The following ARSB variants were observed in gnomAD, a reference collection of about 807,000 sequenced individuals.
The protein encoded by ARSB is N-acetylgalactosamine-4-sulfatase.
A neutral mutation model predicts 50.9 loss-of-function variants in ARSB; 41 were observed. The observed-to-expected ratio is 0.81, with a 90% CI of 0.63 to 1.04. The LOEUF is 1.04. Ranked by LOEUF, ARSB falls within the 50% of genes least tolerant of loss-of-function variation. The probability of loss-of-function intolerance (pLI) is 0.00; values close to 1 mark genes in which losing one functional copy is unlikely to be tolerated. For missense variants in ARSB, 672 were observed against 693.3 expected (o/e 0.97, Z 0.35); for synonymous variants, 269 against 284.8 (o/e 0.94, Z 0.56).
upstream of ARSB, chr5:78,985,413 C>G: frequency 1.8e-6 from 1 of 568,606 alleles, no homozygotes; most frequent in African/African-American, 2.0e-5. Context: ...CCGCCTCCGA[C>G]CCGGGCCCCC....
intron 3 of ARSB, 120 bp from the exon 4 acceptor site, chr5:78,955,622 T>C (rs1310162079): frequency 3.7e-6 from 3 of 817,598 alleles, no homozygotes; most frequent in East Asian, 2.7e-5. Context: ...ACAGAATGCA[T>C]TGAAAGTATT....
chr5:78,974,703 C>T (rs540918084), intron 1 of ARSB, among the ~76,000 whole-genome samples: 23 of 152,184 alleles, frequency 1.5e-4, no homozygotes, highest in Non-Finnish European at 3.4e-4. Flanking sequence ...AATTTCCTGG[C>T]AGGTAAAAGA....
chr5:78,887,854 AACC>A (rs1326710456), intron 4 of ARSB, among the ~76,000 whole-genome samples: 1 of 152,142 alleles, frequency 6.6e-6, no homozygotes, highest in Non-Finnish European at 1.5e-5. Context: ...TCCTGATGAA[AACC>A]ACAAGTACGG....
In ARSB at chr5:78,865,419, T is replaced by C. The variant is rs1294295825; in HGVS notation, c.1142+20165A>G. The stretch of plus-strand genomic sequence containing the variant: ...GACACAGGGCACCAAATCCCTAGGC[T>C]GTACACAGCACAGGGACCCTAGGCC... On this transcript the variant is annotated intron_variant, in intron 5 of 7. Transcript: ENST00000264914. Among the ~76,000 whole-genome samples the C allele has an allele frequency of 2.0e-5, 3 of 152,242 alleles. No homozygotes were observed. In the East Asian group the frequency reaches 5.8e-4, roughly 29 times the overall value.
At chr5:78,917,072 G>A (rs1427515943) in intron 4 of ARSB, among the ~76,000 whole-genome samples, 1 of 152,200 alleles carries the variant, frequency 6.6e-6, no homozygotes, top group Non-Finnish European at 1.5e-5. Flanking sequence ...GGGAGAGGGT[G>A]CAGAAGATAG....
At chr5:78,884,768 A>C (rs1747928920) in intron 5 of ARSB, 1 of 151,864 alleles carries the variant, frequency 6.6e-6, no homozygotes, top group African/African-American at 2.4e-5. Flanking sequence ...GAAATTAGAT[A>C]TTAATACAAA....
intron 6 of ARSB, among the ~76,000 whole-genome samples, chr5:78,786,186 T>C (rs1446987661): frequency 6.6e-6 from 1 of 152,192 alleles, no homozygotes; most frequent in Non-Finnish European, 1.5e-5. Flanking sequence ...AGGCAACCCT[T>C]AACCCACTTT....
intron 4 of ARSB, among the ~76,000 whole-genome samples, chr5:78,906,458 C>G (rs1580038673): frequency 1.3e-5 from 2 of 152,290 alleles, no homozygotes; most frequent in African/African-American, 4.8e-5. Flanking sequence ...CTGCCAGTGC[C>G]TGCTGCATAG....
In ARSB at chr5:78,964,478, A is replaced by G. The variant is rs769313336; in HGVS notation, c.628T>C (p.Tyr210His). The change falls in exon 3 of 8, where the codon TAT (tyrosine) becomes CAT (histidine). Residue 210 changes from tyrosine to histidine, a missense_variant. By Grantham distance (83) the Tyr-to-His change is moderately conservative. Coordinates refer to ENST00000264914, the MANE Select transcript of ARSB (RefSeq NM_000046.5). The stretch of plus-strand genomic sequence containing the variant: ...CTTTTGGTGAATATGTTTGTTGAAT[A>G]CATATTTTTATATCCTGTTGCAACT... ...EEVATGYKNM[Y>H]STNIFTKRAI... 5.0e-6 allele frequency: 8 copies of G among 1,614,078 alleles called. No individual in the cohort carries two copies. The Admixed American group carries it at 5.0e-5, about 10-fold the overall frequency.
intron 6 of ARSB, among the ~76,000 whole-genome samples, chr5:78,812,813 C>T (rs1344894894): frequency 4.0e-5 from 6 of 151,756 alleles, no homozygotes; most frequent in African/African-American, 9.7e-5. Context: ...GGTAACATGG[C>T]GAAACCCTGT....
At chr5:78,814,759 C>A (rs1354114479) in intron 6 of ARSB, among the ~76,000 whole-genome samples, 2 of 150,734 alleles carry the variant, frequency 1.3e-5, no homozygotes, top group Non-Finnish European at 3.0e-5. Context: ...ATGTCTACAG[C>A]AAGCTTCCTC....
chr5:78,977,880 T>C (rs891688456), intron 1 of ARSB, among the ~76,000 whole-genome samples: 1 of 152,216 alleles, frequency 6.6e-6, no homozygotes, highest in African/African-American at 2.4e-5. Flanking sequence ...TCAATGTACA[T>C]ATATCAGTTG....
chr5:78,798,944 A>G (rs1743275743), intron 6 of ARSB, among the ~76,000 whole-genome samples: 1 of 152,214 alleles, frequency 6.6e-6, no homozygotes, highest in Non-Finnish European at 1.5e-5. Flanking sequence ...CCACTAGGTG[A>G]TGCTTGCCAA....
In ARSB at chr5:78,926,017, T is replaced by G. The variant is rs142365801; in HGVS notation, c.898+29278A>C. Among the ~76,000 whole-genome samples, 23 of 152,254 alleles carry G rather than the reference T, an allele frequency of 1.5e-4. No homozygotes were observed. The East Asian group carries it at 4.1e-3, about 27-fold the overall frequency. ...TTTTATAATATTAAAAAAGAAAGAT[T>G]CCTGAATATGGATGGATTAGCCTTG... On this transcript the variant is annotated intron_variant, in intron 4 of 7. Coordinates refer to ENST00000264914, the MANE Select transcript of ARSB (RefSeq NM_000046.5).
intron 6 of ARSB, among the ~76,000 whole-genome samples, chr5:78,833,053 T>C (rs1744764477): frequency 6.6e-6 from 1 of 152,192 alleles, no homozygotes; most frequent in Non-Finnish European, 1.5e-5. Flanking sequence ...GATAGGTGTA[T>C]ATGTTTTTCC....
At chr5:78,854,540 A>C (rs1746042208) in intron 5 of ARSB, among the ~76,000 whole-genome samples, 1 of 152,208 alleles carries the variant, frequency 6.6e-6, no homozygotes, top group Non-Finnish European at 1.5e-5. Flanking sequence ...GTAAAATTTC[A>C]AAAGTTCCTC....
chr5:78,781,256 A>G (rs537273622), intron 7 of ARSB, among the ~76,000 whole-genome samples: 25 of 151,546 alleles, frequency 1.6e-4, no homozygotes, highest in African/African-American at 5.3e-4. Context: ...TCCATGAAGC[A>G]TAAGAGTGAC....
chr5:78,905,720 C>T (rs1231001032), intron 4 of ARSB, among the ~76,000 whole-genome samples: 1 of 151,958 alleles, frequency 6.6e-6, no homozygotes, highest in Non-Finnish European at 1.5e-5. Flanking sequence ...TTAGCTCATA[C>T]ACAGAATCAG....
intron 4 of ARSB, among the ~76,000 whole-genome samples, chr5:78,890,984 CTCTG>C (rs145080892): frequency 0.02 from 2,981 of 152,280 alleles, 92 homozygotes; most frequent in African/African-American, 0.066. Flanking sequence ...CTATACTTAG[CTCTG>C]TCTATTGTTA....
Sources: gnomAD v4.1 joint callset for allele counts (sites outside exome capture counted in the v4.1 genomes callset) on GRCh38, gnomAD v4.1.1 for gene constraint, MANE v1.5 for transcripts, NCBI Gene and HGNC (gene_info 2026-07-23, HGNC 2026-07-21) for gene names.